ARHGEF37: variants seen among roughly 807,000 people sequenced by gnomAD.
ARHGEF37 encodes the protein Rho guanine nucleotide exchange factor (GEF) 37.
Under a neutral mutation model 71.1 loss-of-function variants are expected in ARHGEF37, and 55 were observed. The observed-to-expected ratio is 0.77, with a 90% CI of 0.62 to 0.97. The LOEUF is 0.97. ARHGEF37 is among the 50% of genes least tolerant of loss of function. ARHGEF37 has a pLI of 0.00. For synonymous variants in ARHGEF37, 327 were observed against 350.6 expected, an observed-to-expected ratio of 0.93 and a Z score of 0.75; for missense variants, 765 against 836.8, an observed-to-expected ratio of 0.91 and a Z score of 1.06.
rs941872055 is a variant in ARHGEF37, at chr5:149,581,589, C to G, written c.-47C>G. The G allele has an allele frequency of 6.6e-6, 1 of 152,120 alleles. No homozygotes were observed. The highest frequency in any genetic ancestry group is 1.5e-5 in the Non-Finnish European group (1 of 68,028). 9.4% of individuals were successfully genotyped at this position (152,120 alleles called of 1,614,324 possible). On this transcript the variant is annotated 5_prime_UTR_variant, in exon 1 of 13. Coordinates refer to ENST00000333677, the MANE Select transcript of ARHGEF37 (RefSeq NM_001001669.3). ...CGCTGTTGCCCGGGCGGCCGACCTCCGTGCGTGAGCGCCGGCAGGCACCTT... is the reference window on the plus strand; with the variant it reads ...CGCTGTTGCCCGGGCGGCCGACCTCGGTGCGTGAGCGCCGGCAGGCACCTT...
chr5:149,567,194 C>T (rs544551001), intron 1 of ARHGEF37, among the ~76,000 whole-genome samples: 9 of 152,094 alleles, frequency 5.9e-5, no homozygotes, highest in South Asian at 2.1e-4. Context: ...TTCTGTAAAA[C>T]GTCCTTTAAT....
intron 1 of ARHGEF37, among the ~76,000 whole-genome samples, chr5:149,552,605 G>T (rs10069731): frequency 0.35 from 53,737 of 151,944 alleles, 11,033 homozygotes; most frequent in African/African-American, 0.58. Context: ...CGGGAGGCCG[G>T]GGCGGGCAGA....
intron 1 of ARHGEF37, among the ~76,000 whole-genome samples, chr5:149,552,839 T>A (rs917429085): frequency 1.1e-4 from 16 of 151,020 alleles, no homozygotes; most frequent in South Asian, 8.4e-4. Context: ...AAAAAAAAAA[T>A]AATTAATTAA....
At chr5:149,613,350 T>TA (rs1752256095) in intron 4 of ARHGEF37, among the ~76,000 whole-genome samples, 1 of 20,784 alleles carries the variant, frequency 4.8e-5, no homozygotes, top group Admixed American at 3.5e-4. Context: ...ATAGATAGAA[T>TA]TTTTTTTTTT....
At chr5:149,625,485 C>A (rs532078239) in intron 10 of ARHGEF37, among the ~76,000 whole-genome samples, 35 of 152,162 alleles carry the variant, frequency 2.3e-4, no homozygotes, top group Non-Finnish European at 4.3e-4. Flanking sequence ...AGGAGCCCAG[C>A]AGAACAGGAC....
chr5:149,561,699 A>G (rs1037361050), intron 1 of ARHGEF37, among the ~76,000 whole-genome samples: 3 of 152,202 alleles, frequency 2.0e-5, no homozygotes, highest in African/African-American at 7.2e-5. Flanking sequence ...ACCTTATTCT[A>G]ATCAGTCTGT....
At chr5:149,598,278 T>C (rs148058583) in intron 2 of ARHGEF37, among the ~76,000 whole-genome samples, 4 of 141,616 alleles carry the variant, frequency 2.8e-5, no homozygotes, top group South Asian at 4.7e-4. Flanking sequence ...CTTCTTCTTC[T>C]TCTTCTTCTT....
chr5:149,559,649 A>G (rs35336600), intron 1 of ARHGEF37, among the ~76,000 whole-genome samples: 3 of 152,226 alleles, frequency 2.0e-5, no homozygotes, highest in Admixed American at 6.5e-5. Flanking sequence ...AATTCCTTGT[A>G]TCATAAACAA....
chr5:149,593,294 T>C (rs376555374), intron 1 of ARHGEF37, among the ~76,000 whole-genome samples: 1 of 152,236 alleles, frequency 6.6e-6, no homozygotes, highest in Non-Finnish European at 1.5e-5. Flanking sequence ...CCAGAAAACG[T>C]TGCATCCTTC....
At chr5:149,599,863 G>T (rs1763701635) in intron 2 of ARHGEF37, among the ~76,000 whole-genome samples, 1 of 152,186 alleles carries the variant, frequency 6.6e-6, no homozygotes, top group African/African-American at 2.4e-5. Context: ...TGTAGATAAT[G>T]TAGAAAGTGA....
chr5:149,585,560 C>T (rs1763211842), intron 1 of ARHGEF37, among the ~76,000 whole-genome samples: 1 of 152,142 alleles, frequency 6.6e-6, no homozygotes, highest in African/African-American at 2.4e-5. Context: ...CTCTGTTGCC[C>T]AGGCTGGAGT....
In ARHGEF37 at chr5:149,624,571, C is replaced by T. The variant is rs191193753; in HGVS notation, c.1464+431C>T. Among the ~76,000 whole-genome samples the T allele has an allele frequency of 3.2e-3, 481 of 152,232 alleles. 2 individuals are homozygous for T. Among genetic ancestry groups the T allele is most frequent in the African/African-American group, 0.011 (461 of 41,546 alleles). ...GGTGGATCACTTGAGGCCAAGAGTT[C>T]GAGACCAGCCTGGCCAACATGGCAA... On this transcript the variant is annotated intron_variant, in intron 10 of 12. Transcript: ENST00000333677.
At chr5:149,606,244 T>C (rs573415386) in intron 3 of ARHGEF37, among the ~76,000 whole-genome samples, 32 of 152,330 alleles carry the variant, frequency 2.1e-4, no homozygotes, top group African/African-American at 7.5e-4. Flanking sequence ...TGCAGTTGGC[T>C]GATCTCTCTC....
chr5:149,563,966 T>C (rs1762867914), intron 1 of ARHGEF37, among the ~76,000 whole-genome samples: 1 of 146,452 alleles, frequency 6.8e-6, no homozygotes, highest in Non-Finnish European at 1.5e-5. Context: ...TTTTTTTTTT[T>C]TTTTTTGAGA....
At chr5:149,586,929 G>A (rs1325584836) in intron 1 of ARHGEF37, among the ~76,000 whole-genome samples, 2 of 152,196 alleles carry the variant, frequency 1.3e-5, no homozygotes, top group East Asian at 3.9e-4. Flanking sequence ...TGATCTAGTT[G>A]ACTGTCAGTA....
chr5:149,567,771 C>G (rs188688286), intron 1 of ARHGEF37, among the ~76,000 whole-genome samples: 1 of 152,112 alleles, frequency 6.6e-6, no homozygotes, highest in Non-Finnish European at 1.5e-5. Context: ...ACTTTCTTTT[C>G]GGCATAAATT....
At chr5:149,606,029 C>T (rs1445450000) in intron 3 of ARHGEF37, among the ~76,000 whole-genome samples, 1 of 152,156 alleles carries the variant, frequency 6.6e-6, no homozygotes, top group African/African-American at 2.4e-5. Flanking sequence ...CCATTCTTGC[C>T]TCTTTGGACC....
At chr5:149,622,761 T>C (rs1398140392) in intron 9 of ARHGEF37, among the ~76,000 whole-genome samples, 1 of 152,118 alleles carries the variant, frequency 6.6e-6, no homozygotes, top group African/African-American at 2.4e-5. Flanking sequence ...AACCTCCAAA[T>C]GCAAACTTTG....
chr5:149,607,730 G>C (rs1290873598), intron 3 of ARHGEF37, among the ~76,000 whole-genome samples: 6 of 151,022 alleles, frequency 4.0e-5, no homozygotes, highest in Admixed American at 6.6e-5. Context: ...CATTCTCAAC[G>C]GTGGGGAGAA....
Sources: gnomAD v4.1 joint callset for allele counts (sites outside exome capture counted in the v4.1 genomes callset) on GRCh38, gnomAD v4.1.1 for gene constraint, MANE v1.5 for transcripts, NCBI Gene and HGNC (gene_info 2026-07-23, HGNC 2026-07-21) for gene names.